DCDC2: variants seen among roughly 807,000 people sequenced by gnomAD.
The protein encoded by DCDC2 is doublecortin domain containing 2, also known as doublecortin domain-containing protein 2.
Under a neutral mutation model 50.2 loss-of-function variants are expected in DCDC2, and 40 were observed. The ratio of observed to expected loss-of-function variants is 0.80; its 90% CI spans 0.62 to 1.04. The LOEUF (loss-of-function observed/expected upper bound fraction) is 1.04, where lower values mean the gene tolerates loss of function less well. DCDC2 is among the 50% of genes least tolerant of loss of function. The probability of loss-of-function intolerance (pLI) is 0.00; values close to 1 mark genes in which losing one functional copy is unlikely to be tolerated. For missense variants in DCDC2, 570 were observed against 581.9 expected (o/e 0.98, Z 0.21); for synonymous variants, 234 against 210.6 (o/e 1.11, Z -0.96).
intron 4 of DCDC2, among the ~76,000 whole-genome samples, chr6:24,294,742 C>T (rs1387769719): frequency 6.6e-6 from 1 of 152,124 alleles, no homozygotes; most frequent in Non-Finnish European, 1.5e-5. Flanking sequence ...AATTCCTGGA[C>T]ACATACACCC....
intron 7 of DCDC2, among the ~76,000 whole-genome samples, chr6:24,208,159 G>A (rs185627355): frequency 2.1e-3 from 324 of 152,192 alleles, no homozygotes; most frequent in Non-Finnish European, 3.6e-3. Context: ...TGCAGGTCAC[G>A]GACCCGCTAT....
chr6:24,278,336 G>T (rs1315750934), intron 6 of DCDC2, 125 bp from the exon 7 acceptor site: 3 of 765,504 alleles, frequency 3.9e-6, no homozygotes, highest in East Asian at 5.3e-5. Flanking sequence ...TCCTGGTTCT[G>T]CAACTGTCTA....
chr6:24,269,679 G>A (rs901722200), intron 7 of DCDC2, among the ~76,000 whole-genome samples: 1 of 152,100 alleles, frequency 6.6e-6, no homozygotes, highest in African/African-American at 2.4e-5. Flanking sequence ...CACAGAGAAA[G>A]GCTTGGGTTG....
chr6:24,187,101 C>A (rs1761221980), intron 8 of DCDC2, among the ~76,000 whole-genome samples: 1 of 152,182 alleles, frequency 6.6e-6, no homozygotes, highest in Non-Finnish European at 1.5e-5. Flanking sequence ...CAGCCCCACA[C>A]ATGCTCATAC....
At chr6:24,257,556 A>T (rs1762919709) in intron 7 of DCDC2, among the ~76,000 whole-genome samples, 1 of 152,222 alleles carries the variant, frequency 6.6e-6, no homozygotes, top group South Asian at 2.1e-4. Flanking sequence ...TATAGAAGAG[A>T]TGATGCCACT....
chr6:24,264,121 A>G (rs903676285), intron 7 of DCDC2, among the ~76,000 whole-genome samples: 4 of 152,222 alleles, frequency 2.6e-5, no homozygotes, highest in Non-Finnish European at 5.9e-5. Context: ...TTTATCCTAG[A>G]AAAGTATATC....
At chr6:24,213,038 C>G (rs2113768099) in intron 7 of DCDC2, among the ~76,000 whole-genome samples, 1 of 152,236 alleles carries the variant, frequency 6.6e-6, no homozygotes, top group East Asian at 1.9e-4. Flanking sequence ...TTAACATTCT[C>G]AAATTTTAAA....
intron 7 of DCDC2, among the ~76,000 whole-genome samples, chr6:24,265,188 TATA>T (rs1763093607): frequency 6.6e-6 from 1 of 152,146 alleles, no homozygotes; most frequent in Admixed American, 6.6e-5. Flanking sequence ...AAGGTCATTA[TATA>T]ATGATAAAGG....
At chr6:24,357,351 A>G in intron 1 of DCDC2, 107 bp downstream of exon 1, 1 of 1,329,222 alleles carries the variant, frequency 7.5e-7, no homozygotes, top group Non-Finnish European at 1.0e-6. Context: ...GAGAAGTCAC[A>G]GCCCCTCAAC....
the DCDC2 span, among the ~76,000 whole-genome samples, chr6:24,363,467 C>T: frequency 2.0e-5 from 3 of 152,200 alleles, no homozygotes; most frequent in South Asian, 2.1e-4. Flanking sequence ...TGCCGTTACA[C>T]TGCAGCCTGG....
intron 8 of DCDC2, among the ~76,000 whole-genome samples, chr6:24,182,619 A>G (rs1158264273): frequency 8.4e-6 from 1 of 118,854 alleles, no homozygotes; most frequent in East Asian, 2.3e-4. Flanking sequence ...AACACCCATT[A>G]TGATGACAAG....
the DCDC2 span, among the ~76,000 whole-genome samples, chr6:24,380,984 T>C: frequency 6.6e-6 from 1 of 151,034 alleles, no homozygotes; most frequent in Non-Finnish European, 1.5e-5. Flanking sequence ...CTTGGGAGGC[T>C]GAGGTGGGAG....
chr6:24,342,624 T>C (rs922395868), intron 2 of DCDC2, among the ~76,000 whole-genome samples: 1 of 152,202 alleles, frequency 6.6e-6, no homozygotes, highest in African/African-American at 2.4e-5. Context: ...AAGAATGTAT[T>C]TCTATTTAAA....
intron 5 of DCDC2, among the ~76,000 whole-genome samples, 186 bp downstream of exon 5, chr6:24,290,746 G>T (rs1017204981): frequency 6.6e-6 from 1 of 151,838 alleles, no homozygotes; most frequent in African/African-American, 2.4e-5. Context: ...TTATATTTTT[G>T]TTCAATAGCT....
chr6:24,191,071 T>C (rs530063287), intron 8 of DCDC2, among the ~76,000 whole-genome samples: 73 of 152,320 alleles, frequency 4.8e-4, no homozygotes, highest in Non-Finnish European at 7.3e-4. Flanking sequence ...GTTTCTTCAA[T>C]GGCAAAATAA....
chr6:24,258,645 C>A (rs954121975), intron 7 of DCDC2, among the ~76,000 whole-genome samples: 2 of 152,210 alleles, frequency 1.3e-5, no homozygotes, highest in African/African-American at 4.8e-5. Flanking sequence ...GCCAATCCTT[C>A]AAGTTGAATC....
At chr6:24,267,654 T>G (rs1423301526) in intron 7 of DCDC2, among the ~76,000 whole-genome samples, 1 of 152,094 alleles carries the variant, frequency 6.6e-6, no homozygotes, top group East Asian at 1.9e-4. Context: ...AAATGGGATC[T>G]CCACAGAAAA....
upstream of DCDC2, among the ~76,000 whole-genome samples, chr6:24,358,512 T>TAAAAAAA (rs966038766): frequency 1.3e-5 from 1 of 75,910 alleles, no homozygotes; most frequent in African/African-American, 5.9e-5. Context: ...TCTCTACAAT[T>TAAAAAAA]AAAAAAAAAA....
chr6:24,329,445 T>A (rs1759929603), intron 2 of DCDC2, among the ~76,000 whole-genome samples: 1 of 152,142 alleles, frequency 6.6e-6, no homozygotes, highest in African/African-American at 2.4e-5. Context: ...ACCATTGCTA[T>A]CCTATTTCAT....
Sources: gnomAD v4.1 joint callset for allele counts (sites outside exome capture counted in the v4.1 genomes callset) on GRCh38, gnomAD v4.1.1 for gene constraint, MANE v1.5 for transcripts, NCBI Gene and HGNC (gene_info 2026-07-23, HGNC 2026-07-21) for gene names.